Variants in ADORA2B observed in about 807,000 individuals in gnomAD.
The protein encoded by ADORA2B is adenosine receptor A2b.
A neutral mutation model predicts 20.8 loss-of-function variants in ADORA2B; 18 were observed. That is an observed-to-expected ratio of 0.87 (90% CI 0.60 to 1.29). The LOEUF (loss-of-function observed/expected upper bound fraction) is 1.29. Among genes scored for constraint, ADORA2B ranks in the 50% most tolerant of loss-of-function variants. The probability of loss-of-function intolerance (pLI) is 0.00; values close to 1 mark genes in which losing one functional copy is unlikely to be tolerated. For synonymous variants in ADORA2B, 179 were observed against 178.3 expected (o/e 1.00, Z -0.03); for missense variants, 441 against 422.7 (o/e 1.04, Z -0.38).
At chr17:15,885,726 CAAAA>C in the ADORA2B span, among the ~76,000 whole-genome samples, 11 of 141,366 alleles carry the variant, frequency 7.8e-5, no homozygotes, top group African/African-American at 2.9e-4. Context: ...AAAAAAAAAA[CAAAA>C]AAAAACCTCT....
At chr17:15,858,448 T>G in the ADORA2B span, among the ~76,000 whole-genome samples, 3 of 152,344 alleles carry the variant, frequency 2.0e-5, no homozygotes, top group Non-Finnish European at 1.5e-5. Flanking sequence ...AGGAAAGATA[T>G]TCACAAAGCT....
At chr17:15,962,561 C>T (rs551976148) in intron 1 of ADORA2B, among the ~76,000 whole-genome samples, 3 of 151,616 alleles carry the variant, frequency 2.0e-5, no homozygotes, top group South Asian at 2.1e-4. Context: ...GACAGAATTA[C>T]GCGCTTGTTG....
chr17:15,926,569 G>A, the ADORA2B span, among the ~76,000 whole-genome samples: 1 of 152,100 alleles, frequency 6.6e-6, no homozygotes, highest in Non-Finnish European at 1.5e-5. Flanking sequence ...GTCAGGGTAT[G>A]GGGGGCAGCA....
chr17:15,893,555 C>G, the ADORA2B span, among the ~76,000 whole-genome samples: 3 of 141,622 alleles, frequency 2.1e-5, no homozygotes, highest in Non-Finnish European at 4.6e-5. Flanking sequence ...GTTCCTTTCA[C>G]TGCTTTCCAG....
chr17:15,974,628 G>T (rs770813960), intron 1 of ADORA2B, 51 bp from the exon 2 acceptor site: 2 of 1,497,636 alleles, frequency 1.3e-6, no homozygotes, highest in Non-Finnish European at 1.8e-6. Context: ...CTTGGATTGT[G>T]GTTGCAGAGC....
chr17:15,876,047 C>T, the ADORA2B span, among the ~76,000 whole-genome samples: 2 of 152,174 alleles, frequency 1.3e-5, no homozygotes, highest in Non-Finnish European at 2.9e-5. Flanking sequence ...TGCACAGATT[C>T]CCTGTTAGTT....
intron 1 of ADORA2B, among the ~76,000 whole-genome samples, chr17:15,948,716 C>T (rs945430348): frequency 6.6e-6 from 1 of 152,080 alleles, no homozygotes; most frequent in Non-Finnish European, 1.5e-5. Context: ...TTTAGTTGGC[C>T]GAATGGGTCC....
the ADORA2B span, among the ~76,000 whole-genome samples, chr17:15,874,655 C>T: frequency 6.6e-6 from 1 of 152,090 alleles, no homozygotes; most frequent in South Asian, 2.1e-4. Flanking sequence ...TCGTGCTACC[C>T]TACTCCAGTC....
the ADORA2B span, among the ~76,000 whole-genome samples, chr17:15,867,776 C>T: frequency 0.19 from 25,552 of 137,698 alleles, 1,301 homozygotes; most frequent in Non-Finnish European, 0.23. Flanking sequence ...CCCGGCCAGC[C>T]GCCCCGTCCG....
chr17:15,938,942 T>G, the ADORA2B span, among the ~76,000 whole-genome samples: 1 of 152,234 alleles, frequency 6.6e-6, no homozygotes, highest in Non-Finnish European at 1.5e-5. Flanking sequence ...AGTTTCTTAG[T>G]AACGATCACT....
chr17:15,946,965 T>C (rs1969814870), intron 1 of ADORA2B, among the ~76,000 whole-genome samples: 1 of 152,168 alleles, frequency 6.6e-6, no homozygotes, highest in African/African-American at 2.4e-5. Flanking sequence ...CCAGAGGCCA[T>C]TTGAGTAGGC....
chr17:15,968,714 A>C (rs1355223413), intron 1 of ADORA2B, among the ~76,000 whole-genome samples: 5 of 152,224 alleles, frequency 3.3e-5, no homozygotes, highest in Non-Finnish European at 5.9e-5. Flanking sequence ...TAGCAGCAGC[A>C]GGCACATCAT....
chr17:15,944,185 A>G (rs1421703454), upstream of ADORA2B, among the ~76,000 whole-genome samples: 1 of 152,308 alleles, frequency 6.6e-6, no homozygotes, highest in Admixed American at 6.5e-5. This position sits in a 1 kb window ranked among gnomAD's most constrained non-coding sequence, Gnocchi z 4.8. Flanking sequence ...GGTCCCAGGA[A>G]AAGGCGGCAG....
chr17:15,922,270 C>T, the ADORA2B span, among the ~76,000 whole-genome samples: 1 of 152,160 alleles, frequency 6.6e-6, no homozygotes, highest in Non-Finnish European at 1.5e-5. Flanking sequence ...GCATCATATC[C>T]TCTTATTTTT....
chr17:15,927,339 C>T, the ADORA2B span, among the ~76,000 whole-genome samples: 983 of 152,178 alleles, frequency 6.5e-3, 7 homozygotes, highest in Middle Eastern at 0.027. Context: ...AAAAATTAGC[C>T]GGGCATGGTG....
At chr17:15,883,718 T>C in the ADORA2B span, among the ~76,000 whole-genome samples, 1 of 152,192 alleles carries the variant, frequency 6.6e-6, no homozygotes, top group Non-Finnish European at 1.5e-5. Flanking sequence ...GAAGAACCTC[T>C]TTGAGGGCAA....
At chr17:15,916,489 G>A in the ADORA2B span, among the ~76,000 whole-genome samples, 10 of 151,466 alleles carry the variant, frequency 6.6e-5, no homozygotes, top group African/African-American at 2.4e-4. Context: ...TCTAAGGGGG[G>A]TCCGCGTGAG....
the ADORA2B span, among the ~76,000 whole-genome samples, chr17:15,861,703 C>T: frequency 1.3e-5 from 2 of 152,194 alleles, no homozygotes; most frequent in Non-Finnish European, 2.9e-5. Flanking sequence ...AGGGTGGTCC[C>T]TAAGAGGTGG....
chr17:15,891,073 C>T, the ADORA2B span, among the ~76,000 whole-genome samples: 1 of 152,196 alleles, frequency 6.6e-6, no homozygotes, highest in Admixed American at 6.5e-5. Context: ...TCAAGACCAG[C>T]CTGGCCAACA....
Sources: gnomAD v4.1 joint callset for allele counts (sites outside exome capture counted in the v4.1 genomes callset) on GRCh38, gnomAD v4.1.1 for gene constraint, Gnocchi (gnomAD v3.1) non-coding constraint, MANE v1.5 for transcripts, NCBI Gene and HGNC (gene_info 2026-07-23, HGNC 2026-07-21) for gene names.